LAMTOR3: variants seen among roughly 807,000 people sequenced by gnomAD.
LAMTOR3 encodes the protein ragulator complex protein LAMTOR3.
A neutral mutation model predicts 20.3 loss-of-function variants in LAMTOR3; 14 were observed. The observed-to-expected ratio is 0.69, with a 90% confidence interval of 0.46 to 1.08. LAMTOR3 has a LOEUF of 1.08. Among genes scored for constraint, LAMTOR3 ranks in the 50% least tolerant of loss-of-function variants. LAMTOR3 has a pLI of 0.00. For missense variants in LAMTOR3, 125 were observed against 143.7 expected, an observed-to-expected ratio of 0.87 and a Z score of 0.67; for synonymous variants, 40 against 49.4, an observed-to-expected ratio of 0.81 and a Z score of 0.80.
intron 5 of LAMTOR3, 115 bp downstream of exon 5, chr4:99,885,427 A>G: frequency 1.2e-6 from 1 of 869,388 alleles, no homozygotes; most frequent in Non-Finnish European, 1.7e-6. Context: ...AAATTTTACA[A>G]TTTCATCCTC....
At chr4:99,893,543 A>G (rs373735354) in intron 2 of LAMTOR3, among the ~76,000 whole-genome samples, 45 of 152,326 alleles carry the variant, frequency 3.0e-4, no homozygotes, top group African/African-American at 1.0e-3. Flanking sequence ...AATTGCTACA[A>G]TAAACCAAAT....
At chr4:99,884,368 A>G (rs901081434) in intron 5 of LAMTOR3, among the ~76,000 whole-genome samples, 1 of 152,198 alleles carries the variant, frequency 6.6e-6, no homozygotes, top group Non-Finnish European at 1.5e-5. Context: ...AGGTGAAACC[A>G]TATCTTCATC....
chr4:99,890,650 A>G (rs1328028465), intron 3 of LAMTOR3, among the ~76,000 whole-genome samples: 1 of 152,156 alleles, frequency 6.6e-6, no homozygotes, highest in Admixed American at 6.5e-5. Context: ...TGACAGTACT[A>G]ATACCTTTCC....
In LAMTOR3 at chr4:99,878,600, TAC is replaced by T. The variant is rs1234366883; in HGVS notation, c.*3392_*3393del. ...CCATATACAAACAAATAGGAATACATACACATTTTTTCTTCTTATACATCAAT... is the reference window on the plus strand; with the variant it reads ...CCATATACAAACAAATAGGAATACATACATTTTTTCTTCTTATACATCAAT... On this transcript the variant is annotated 3_prime_UTR_variant, in exon 7 of 7. Transcript: ENST00000499666. 2 of 152,302 alleles carry T rather than the reference TAC, an allele frequency of 1.3e-5. No individual in the cohort carries two copies. Among genetic ancestry groups the T allele is most frequent in the African/African-American group, 4.8e-5 (2 of 41,570 alleles). The allele number at this position is 152,302 out of a possible 1,614,324, so 9.4% of individuals were successfully genotyped here. A position where few individuals can be genotyped will look rare whatever the true frequency, so the allele number is the denominator to read the frequency against.
intron 3 of LAMTOR3, 70 bp from the exon 4 acceptor site, chr4:99,887,424 A>G: frequency 1.4e-6 from 1 of 712,736 alleles, no homozygotes; most frequent in South Asian, 3.2e-5. Flanking sequence ...AAAATATAAA[A>G]TATTTCATTT....
At chr4:99,885,148 A>C (rs964921463) in intron 5 of LAMTOR3, among the ~76,000 whole-genome samples, 3 of 152,188 alleles carry the variant, frequency 2.0e-5, no homozygotes, top group Non-Finnish European at 2.9e-5. Context: ...TTTCCAAAAA[A>C]TGAAGGAATT....
intron 2 of LAMTOR3, 48 bp downstream of exon 2, chr4:99,893,907 T>C: frequency 3.5e-6 from 5 of 1,417,176 alleles, no homozygotes; most frequent in East Asian, 2.7e-5. Context: ...AGTATGCCCC[T>C]CAAAATTCCC....
At chr4:99,891,221 C>T (rs1235497053) in intron 3 of LAMTOR3, among the ~76,000 whole-genome samples, 1 of 152,082 alleles carries the variant, frequency 6.6e-6, no homozygotes, top group Non-Finnish European at 1.5e-5. Flanking sequence ...GGTATCTCTC[C>T]GTCCCAATTT....
intron 6 of LAMTOR3, among the ~76,000 whole-genome samples, chr4:99,883,175 A>G (rs1208453857): frequency 1.3e-5 from 2 of 152,060 alleles, no homozygotes; most frequent in Non-Finnish European, 2.9e-5. Context: ...AAGTGTTTTT[A>G]CATACAGTAT....
At position 99,878,592 on chromosome 4, in the gene LAMTOR3, G is replaced by C. The variant is rs1016810857; in HGVS notation, c.*3402C>G. The stretch of plus-strand genomic sequence containing the variant: ...ACAGTCTACCATATACAAACAAATA[G>C]GAATACATACACATTTTTTCTTCTT... On this transcript the variant is annotated 3_prime_UTR_variant, in exon 7 of 7. Transcript: ENST00000499666. The C allele has an allele frequency of 6.6e-6, 1 of 151,980 alleles. No homozygotes were observed. The highest frequency in any genetic ancestry group is 1.5e-5 in the Non-Finnish European group (1 of 68,018). 9.4% of individuals were successfully genotyped at this position (151,980 alleles called of 1,614,324 possible).
Position 99,885,653 on chromosome 4 carries a change from C to A in LAMTOR3, c.126G>T (p.Glu42Asp). 6.2e-7 allele frequency: 1 copy of A among 1,613,018 alleles called. No homozygotes were observed. The highest frequency in any genetic ancestry group is 8.5e-7 in the Non-Finnish European group (1 of 1,179,518). Residue 42 changes from glutamate to aspartate, a missense_variant, in exon 5 of 7, where the codon GAG becomes GAT. Glu to Asp is a conservative substitution (Grantham distance 45). Coordinates refer to ENST00000499666, the MANE Select transcript of LAMTOR3 (RefSeq NM_021970.4). ...VIKVANDNAP[E>D]HALRPGFLST... Reference sequence around the variant, plus strand: ...ATAAGAAACCAGGTCGCAAAGCATGCTCTGGAGCATTGTCATTTGCCACTA... The same window carrying A: ...ATAAGAAACCAGGTCGCAAAGCATGATCTGGAGCATTGTCATTTGCCACTA...
chr4:99,889,153 G>A (rs1178714971), intron 3 of LAMTOR3, among the ~76,000 whole-genome samples: 3 of 152,178 alleles, frequency 2.0e-5, no homozygotes, highest in South Asian at 2.1e-4. Context: ...CCAAGATTGC[G>A]CCACTGCACT....
At chr4:99,892,616 C>T (rs1042852878) in intron 2 of LAMTOR3, among the ~76,000 whole-genome samples, 12 of 151,522 alleles carry the variant, frequency 7.9e-5, no homozygotes, top group African/African-American at 2.9e-4. Context: ...ATTATTATAA[C>T]GTAATTTTTA....
chr4:99,882,262 G>A (rs1724841837), intron 6 of LAMTOR3, among the ~76,000 whole-genome samples, 195 bp from the exon 7 acceptor site: 1 of 152,052 alleles, frequency 6.6e-6, no homozygotes, highest in Admixed American at 6.6e-5. Flanking sequence ...TTTGAATTCT[G>A]GAATATTTGT....
intron 3 of LAMTOR3, among the ~76,000 whole-genome samples, chr4:99,889,608 T>C (rs62305052): frequency 0.045 from 6,914 of 152,300 alleles, 226 homozygotes; most frequent in Middle Eastern, 0.12. Context: ...TGTCTGCTCA[T>C]AGGTACATAA....
At chr4:99,887,177 C>A in intron 4 of LAMTOR3, 119 bp downstream of exon 4, 1 of 555,916 alleles carries the variant, frequency 1.8e-6, no homozygotes, top group South Asian at 2.6e-5. Context: ...ATACTAAGAC[C>A]ATCTCCCAAA....
Position 99,880,089 on chromosome 4 carries a change from A to G in LAMTOR3, c.*1905T>C, listed in dbSNP as rs750604331. ...TATAGCTCTTTGCAGGTAAAGCATTATATCTCTTGCCTCTATTTTATTTAC... is the reference window on the plus strand; with the variant it reads ...TATAGCTCTTTGCAGGTAAAGCATTGTATCTCTTGCCTCTATTTTATTTAC... On this transcript the variant is annotated 3_prime_UTR_variant, in exon 7 of 7. Coordinates refer to ENST00000499666, the MANE Select transcript of LAMTOR3 (RefSeq NM_021970.4). 1.3e-5 allele frequency: 2 copies of G among 152,062 alleles called. No individual in the cohort carries two copies. The highest frequency in any genetic ancestry group is 4.8e-5 in the African/African-American group (2 of 41,346). 9.4% of individuals were successfully genotyped at this position (152,062 alleles called of 1,614,324 possible). A position where few individuals can be genotyped will look rare whatever the true frequency, so the allele number is the denominator to read the frequency against.
chr4:99,888,479 G>A (rs911564113), intron 3 of LAMTOR3, among the ~76,000 whole-genome samples: 6 of 152,058 alleles, frequency 3.9e-5, no homozygotes, highest in African/African-American at 1.2e-4. Flanking sequence ...GACACTCCTC[G>A]ACTTTCAACA....
At chr4:99,893,416 G>C (rs954782351) in intron 2 of LAMTOR3, among the ~76,000 whole-genome samples, 2 of 152,078 alleles carry the variant, frequency 1.3e-5, no homozygotes, top group African/African-American at 4.8e-5. Context: ...GGTATCTCTT[G>C]TTTTGAGCAT....
Sources: gnomAD v4.1 joint callset for allele counts (sites outside exome capture counted in the v4.1 genomes callset) on GRCh38, gnomAD v4.1.1 for gene constraint, MANE v1.5 for transcripts, NCBI Gene and HGNC (gene_info 2026-07-23, HGNC 2026-07-21) for gene names.